The following TRRAP variants were observed in gnomAD, a reference collection of about 807,000 sequenced individuals.
TRRAP encodes the protein transformation/transcription domain associated protein.
Under a neutral mutation model 438.8 loss-of-function variants are expected in TRRAP, and 41 were observed. That is an observed-to-expected ratio of 0.09 (90% CI 0.07 to 0.12). TRRAP has a LOEUF of 0.12. Among genes scored for constraint, TRRAP ranks in the 10% least tolerant of loss-of-function variants. The pLI, the probability that TRRAP is intolerant of heterozygous loss-of-function variation, is 1.00. For missense variants in TRRAP, 3,122 were observed against 5,055.1 expected (o/e 0.62, Z 11.60); for synonymous variants, 1,994 against 1,962.9 (o/e 1.02, Z -0.42).
intron 40 of TRRAP, 97 bp downstream of exon 40, chr7:98,953,530 T>C (rs1584354501): frequency 6.7e-7 from 1 of 1,497,450 alleles, no homozygotes; most frequent in East Asian, 2.3e-5. Context: ...TGTTGTCTTC[T>C]CCCAAAACCA....
At chr7:98,970,604 T>C (rs1241301881) in intron 52 of TRRAP, among the ~76,000 whole-genome samples, 1 of 152,230 alleles carries the variant, frequency 6.6e-6, no homozygotes, top group African/African-American at 2.4e-5. Flanking sequence ...TAGATTTTTT[T>C]TTTTTTTAGT....
At chr7:98,986,211 C>T (rs1219624111) in intron 62 of TRRAP, among the ~76,000 whole-genome samples, 1 of 152,086 alleles carries the variant, frequency 6.6e-6, no homozygotes. Flanking sequence ...GTGGGTTGTT[C>T]CTACTTTTTA....
intron 47 of TRRAP, among the ~76,000 whole-genome samples, chr7:98,963,663 G>T (rs1792025114): frequency 6.6e-6 from 1 of 152,184 alleles, no homozygotes; most frequent in African/African-American, 2.4e-5. Flanking sequence ...GGTTGCCTGG[G>T]TTACAACCAG....
At position 98,917,643 on chromosome 7, in the gene TRRAP, C is replaced by T. The variant is rs149795476; in HGVS notation, c.2586C>T (p.Tyr862=). The T allele has an allele frequency of 1.2e-4, 191 of 1,614,096 alleles. No individual in the cohort carries two copies. The highest frequency in any genetic ancestry group is 1.5e-4 in the Non-Finnish European group (178 of 1,180,056). Residue 862 remains tyrosine (Y), a synonymous_variant, in exon 20 of 73, where the codon TAC becomes TAT. Transcript: ENST00000456197. ...CVDNLQPDFL[Y]DHIQPVRAEL... ...ACAACCTGCAGCCCGACTTCCTCTA[C>T]GACCACATCCAGCCGGTGCGCGCAG... is the stretch of plus-strand genomic sequence containing the variant.
chr7:98,896,875 G>A (rs1180187959), intron 7 of TRRAP, among the ~76,000 whole-genome samples: 1 of 152,140 alleles, frequency 6.6e-6, no homozygotes, highest in Non-Finnish European at 1.5e-5. Context: ...CAGCTGCCTT[G>A]TTGAACGTGA....
chr7:98,964,080 T>TA (rs532793958), intron 47 of TRRAP, among the ~76,000 whole-genome samples: 6,401 of 118,750 alleles, frequency 0.054, 153 homozygotes, highest in Non-Finnish European at 0.063. Flanking sequence ...GACTCGACAT[T>TA]AAAAAAAAAA....
In TRRAP at chr7:98,949,598, C is replaced by T. The variant is rs782154170; in HGVS notation, c.4953+17C>T. Reference sequence around the variant, plus strand: ...GCCATCAAGGTAGCGCCCCTTCCTCCAGCCCCCAATGCCCAGGGGTTTAAT... The same window carrying T: ...GCCATCAAGGTAGCGCCCCTTCCTCTAGCCCCCAATGCCCAGGGGTTTAAT... On this transcript the variant is annotated intron_variant, in intron 36 of 72. Coordinates refer to ENST00000456197, the MANE Select transcript of TRRAP (RefSeq NM_001375524.1). 1.4e-5 allele frequency: 22 copies of T among 1,585,416 alleles called. No individual in the cohort carries two copies. The highest frequency in any genetic ancestry group is 1.8e-5 in the Non-Finnish European group (21 of 1,165,370).
At chr7:98,981,057 A>C (rs946563990) in intron 58 of TRRAP, among the ~76,000 whole-genome samples, 3 of 152,146 alleles carry the variant, frequency 2.0e-5, no homozygotes, top group African/African-American at 7.2e-5. Flanking sequence ...CTCAAAAAAA[A>C]TCACACTGAT....
chr7:98,915,973 T>A (rs1789501422), intron 19 of TRRAP, 85 bp downstream of exon 19: 1 of 1,538,718 alleles, frequency 6.5e-7, no homozygotes. Flanking sequence ...GGTTTCATCC[T>A]CTGTAACTGG....
chr7:98,994,435 C>A lies in TRRAP; in HGVS notation c.10048-152C>A. The A allele has an allele frequency of 8.6e-7, 1 of 1,164,546 alleles. No homozygotes were observed. The highest frequency in any genetic ancestry group is 1.2e-6 in the Non-Finnish European group (1 of 821,524). The allele number at this position is 1,164,546 out of a possible 1,614,324, so 72.1% of individuals were successfully genotyped here. ...ATGCACAGGCGTCCCGTTTCTTGCA[C>A]ACGCCGATTTCATGCCTGCTGTGTG... On this transcript the variant is annotated intron_variant, in intron 66 of 72. Transcript: ENST00000456197. The surrounding 1 kb of genome is among the most constrained non-coding windows in gnomAD (Gnocchi z 4.8).
chr7:98,949,467 C>A lies in TRRAP; in HGVS notation c.4839C>A (p.Ala1613=). 6.2e-7 allele frequency: 1 copy of A among 1,607,388 alleles called. No individual in the cohort carries two copies. The highest frequency in any genetic ancestry group is 8.5e-7 in the Non-Finnish European group (1 of 1,177,802). ...DARPLRDVLA[A]NPNRFITLLL... ...GACCTCTGCGGGATGTGCTGGCTGC[C>A]AACCCCAACAGGTTCATCACCCTGC... is the stretch of plus-strand genomic sequence containing the variant. The change falls in exon 36 of 73, where the codon GCC becomes GCA. Residue 1613 remains alanine, a synonymous_variant. Coordinates refer to ENST00000456197, the MANE Select transcript of TRRAP (RefSeq NM_001375524.1).
At position 99,008,528 on chromosome 7, in the gene TRRAP, G is replaced by T; in HGVS notation, c.10905G>T (p.Thr3635=). The T allele has an allele frequency of 6.2e-7, 1 of 1,613,960 alleles. No individual in the cohort carries two copies. Among genetic ancestry groups the T allele is most frequent in the Non-Finnish European group, 8.5e-7 (1 of 1,180,036 alleles). ...CCCGTTACTATGACCGGCTGGCTAC[G>T]GTGCAGGCGCGGGGAACCCAAGCCA... The part of the protein sequence containing the change: ...PISRYYDRLA[T]VQARGTQASH... Residue 3635 remains threonine (T), a synonymous_variant, in exon 70 of 73, where the codon ACG becomes ACT. Transcript: ENST00000456197.
intron 58 of TRRAP, among the ~76,000 whole-genome samples, chr7:98,979,834 C>G (rs773532720): frequency 1.3e-5 from 2 of 152,170 alleles, no homozygotes; most frequent in African/African-American, 4.8e-5. Flanking sequence ...GTAATCTGCA[C>G]TAAATTAATT....
At chr7:98,972,319 A>G (rs1381021448) in intron 53 of TRRAP, among the ~76,000 whole-genome samples, 1 of 152,230 alleles carries the variant, frequency 6.6e-6, no homozygotes, top group African/African-American at 2.4e-5. Context: ...CTGGGATTAT[A>G]GGCGTGAAGC....
intron 13 of TRRAP, among the ~76,000 whole-genome samples, chr7:98,906,579 C>T (rs1294738075): frequency 6.6e-6 from 1 of 152,030 alleles, no homozygotes; most frequent in Non-Finnish European, 1.5e-5. Context: ...ATTACAGGTG[C>T]CTACCACCAT....
At chr7:98,895,704 A>G in intron 6 of TRRAP, 60 bp from the exon 7 acceptor site, 2 of 1,400,466 alleles carry the variant, frequency 1.4e-6, no homozygotes, top group Non-Finnish European at 2.0e-6. Context: ...TTTCTTATTT[A>G]TTATGGGTAT....
chr7:98,882,472 C>G (rs1795496173), intron 3 of TRRAP, among the ~76,000 whole-genome samples: 2 of 150,832 alleles, frequency 1.3e-5, no homozygotes, highest in Admixed American at 1.3e-4. Context: ...AAGCAATTCT[C>G]CTGACTCAGC....
intron 27 of TRRAP, among the ~76,000 whole-genome samples, chr7:98,934,295 C>G (rs1343806237): frequency 6.6e-6 from 1 of 152,182 alleles, no homozygotes; most frequent in Admixed American, 6.5e-5. Context: ...TCTTCCAGGT[C>G]CATACTGTCT....
At chr7:98,904,304 A>G (rs1194393209) in intron 12 of TRRAP, among the ~76,000 whole-genome samples, 2 of 151,848 alleles carry the variant, frequency 1.3e-5, no homozygotes, top group Non-Finnish European at 2.9e-5. Flanking sequence ...TGACACGGTG[A>G]AACACCGTCT....
Sources: allele counts gnomAD v4.1 joint callset (sites outside exome capture counted in the v4.1 genomes callset), GRCh38; gene constraint gnomAD v4.1.1; non-coding constraint Gnocchi (gnomAD v3.1); transcripts MANE v1.5; gene names NCBI Gene and HGNC (gene_info 2026-07-23, HGNC 2026-07-21).